LUZP2: variants seen among roughly 807,000 people sequenced by gnomAD.
LUZP2 encodes leucine zipper protein 2.
In LUZP2, 52 loss-of-function variants were observed where a neutral mutation model predicts 51.6. The observed-to-expected ratio is 1.01, with a 90% CI of 0.81 to 1.27. The LOEUF (loss-of-function observed/expected upper bound fraction) is 1.27, where lower values mean the gene tolerates loss of function less well. LUZP2 is among the 50% of genes most tolerant of loss of function. The pLI, the probability that LUZP2 is intolerant of heterozygous loss-of-function variation, is 0.00. For missense variants in LUZP2, 436 were observed against 395.4 expected (o/e 1.10, Z -0.87); for synonymous variants, 154 against 137.3 (o/e 1.12, Z -0.85).
intron 7 of LUZP2, among the ~76,000 whole-genome samples, chr11:24,916,923 T>C (rs1023637512): frequency 6.6e-6 from 1 of 152,182 alleles, no homozygotes; most frequent in African/African-American, 2.4e-5. Context: ...TCTTCCACAG[T>C]GGTTGAACTA....
At chr11:24,892,524 T>G (rs1291047734) in intron 5 of LUZP2, 2 of 567,882 alleles carry the variant, frequency 3.5e-6, no homozygotes, top group Non-Finnish European at 4.5e-6. Flanking sequence ...TAACTCTATT[T>G]GTTAATGTTT....
At chr11:24,993,650 G>A (rs1268682157) in intron 9 of LUZP2, among the ~76,000 whole-genome samples, 1 of 151,854 alleles carries the variant, frequency 6.6e-6, no homozygotes, top group Admixed American at 6.6e-5. Context: ...TATCTATTTT[G>A]CCTAATTTTA....
intron 9 of LUZP2, among the ~76,000 whole-genome samples, chr11:25,026,884 T>C (rs1325905508): frequency 6.6e-5 from 8 of 121,556 alleles, no homozygotes; most frequent in Non-Finnish European, 1.1e-4. Flanking sequence ...TTTTTTTTCT[T>C]TCTTTATTTA....
intron 5 of LUZP2, among the ~76,000 whole-genome samples, chr11:24,824,366 CAAAAAAAAAAAAA>C (rs3078050): frequency 3.6e-5 from 1 of 27,578 alleles, no homozygotes; most frequent in African/African-American, 1.1e-4. Context: ...AACCCCATCT[CAAAAAAAAAAAAA>C]AAAAAAAAAA....
chr11:24,672,035 C>T (rs975231112), intron 1 of LUZP2, among the ~76,000 whole-genome samples: 2 of 151,964 alleles, frequency 1.3e-5, no homozygotes, highest in African/African-American at 4.8e-5. Context: ...AAATACATTC[C>T]AGAACAGCTG....
At chr11:24,639,334 TC>T (rs10712922) in intron 1 of LUZP2, among the ~76,000 whole-genome samples, 29,194 of 151,738 alleles carry the variant, frequency 0.19, 3,155 homozygotes, top group Middle Eastern at 0.28. Context: ...ATTATATTCT[TC>T]CATTGTGTTG....
intron 1 of LUZP2, among the ~76,000 whole-genome samples, chr11:24,597,036 T>C (rs1853465657): frequency 6.6e-6 from 1 of 152,118 alleles, no homozygotes; most frequent in Non-Finnish European, 1.5e-5. Context: ...AGGGATGAAG[T>C]AGTAATTTCA....
intron 5 of LUZP2, among the ~76,000 whole-genome samples, chr11:24,782,403 T>C (rs955531944): frequency 2.6e-5 from 4 of 151,986 alleles, no homozygotes; most frequent in African/African-American, 9.7e-5. Context: ...GGAGATAATT[T>C]CTCAAGTACT....
rs114233145 is a variant in LUZP2 at position 24,672,058 on chromosome 11, A to C, written c.63-57111A>C. On this transcript the variant is annotated intron_variant, in intron 1 of 11. Transcript: ENST00000336930. ...TCCAGAACAGCTGCATTTGTAACTGAGAGATGTCTCTCATGGTGTTTGATT... is the reference window on the plus strand; with the variant it reads ...TCCAGAACAGCTGCATTTGTAACTGCGAGATGTCTCTCATGGTGTTTGATT... Among the ~76,000 whole-genome samples the C allele has an allele frequency of 9.7e-3, 1,481 of 152,216 alleles. 24 individuals are homozygous for C. Among genetic ancestry groups the C allele is most frequent in the African/African-American group, 0.034 (1,427 of 41,548 alleles).
intron 9 of LUZP2, among the ~76,000 whole-genome samples, chr11:24,990,813 T>C (rs980908258): frequency 8.6e-5 from 13 of 152,010 alleles, no homozygotes; most frequent in Admixed American, 2.0e-4. Context: ...CTTTTTATTC[T>C]ATATATATTT....
intron 1 of LUZP2, among the ~76,000 whole-genome samples, chr11:24,607,341 C>CTTTTTTTTTTTT (rs57741208): frequency 2.1e-4 from 13 of 63,410 alleles, no homozygotes; most frequent in African/African-American, 2.7e-4. Context: ...GATATTATGT[C>CTTTTTTTTTTTT]TTTTTTTTTT....
chr11:24,516,694 A>G (rs1850474080), intron 1 of LUZP2, among the ~76,000 whole-genome samples: 1 of 152,212 alleles, frequency 6.6e-6, no homozygotes, highest in Non-Finnish European at 1.5e-5. Flanking sequence ...TCAGCCCTGA[A>G]GAGGGAAGAG....
intron 4 of LUZP2, chr11:24,751,520 T>G (rs529414794): frequency 1.5e-5 from 14 of 918,670 alleles, no homozygotes; most frequent in Non-Finnish European, 6.5e-6. Flanking sequence ...ACAAAAGCCC[T>G]GCTAGAATGA....
At chr11:24,826,195 A>ATATATATG (rs1850535304) in intron 5 of LUZP2, among the ~76,000 whole-genome samples, 1 of 134,778 alleles carries the variant, frequency 7.4e-6, no homozygotes, top group Non-Finnish European at 1.6e-5. Context: ...AAAAAAATAT[A>ATATATATG]TATATATATA....
chr11:24,561,107 G>T (rs1337428148), intron 1 of LUZP2, among the ~76,000 whole-genome samples: 1 of 152,128 alleles, frequency 6.6e-6, no homozygotes, highest in Non-Finnish European at 1.5e-5. Flanking sequence ...TTTGTTGAAA[G>T]CCTATTATAT....
chr11:24,962,112 G>T (rs983348461), intron 7 of LUZP2, among the ~76,000 whole-genome samples: 30 of 152,128 alleles, frequency 2.0e-4, no homozygotes, highest in African/African-American at 7.2e-4. Flanking sequence ...TCTGCTGAGA[G>T]ATCTCCTGTT....
intron 9 of LUZP2, among the ~76,000 whole-genome samples, chr11:25,042,219 AT>A (rs61615401): frequency 2.6e-5 from 4 of 151,386 alleles, no homozygotes; most frequent in African/African-American, 7.3e-5. Flanking sequence ...TATGCATGCT[AT>A]TTTTTTTAAT....
intron 3 of LUZP2, 138 bp from the exon 4 acceptor site, chr11:24,738,083 G>A (rs950700518): frequency 7.0e-5 from 37 of 527,098 alleles, no homozygotes; most frequent in Admixed American, 3.1e-4. Flanking sequence ...CATCCTGTAT[G>A]CTTAACTGTG....
intron 6 of LUZP2, among the ~76,000 whole-genome samples, chr11:24,911,643 GC>G (rs1452077331): frequency 6.6e-6 from 1 of 152,134 alleles, no homozygotes; most frequent in East Asian, 1.9e-4. Flanking sequence ...AGTCAATTAA[GC>G]TTCTTTCCTT....
Sources: gnomAD v4.1 joint callset for allele counts (sites outside exome capture counted in the v4.1 genomes callset) on GRCh38, gnomAD v4.1.1 for gene constraint, MANE v1.5 for transcripts, NCBI Gene and HGNC (gene_info 2026-07-23, HGNC 2026-07-21) for gene names.